The following MAP2K6 variants were observed in gnomAD, a reference collection of about 807,000 sequenced individuals.
MAP2K6 encodes the protein dual specificity mitogen-activated protein kinase kinase 6.
MAP2K6 carries 16 observed loss-of-function variants against 53.7 expected under a neutral mutation model. The ratio of observed to expected loss-of-function variants is 0.30; its 90% CI spans 0.20 to 0.45. The LOEUF (loss-of-function observed/expected upper bound fraction) is 0.45, where lower values mean the gene tolerates loss of function less well. MAP2K6 is among the 20% of genes least tolerant of loss of function. The probability of loss-of-function intolerance (pLI) is 1.00; values close to 1 mark genes in which losing one functional copy is unlikely to be tolerated. For missense variants in MAP2K6, 204 were observed against 411.9 expected (o/e 0.50, Z 4.37); for synonymous variants, 132 against 143.1 (o/e 0.92, Z 0.55).
At chr17:69,452,196 G>A (rs1428161874) in intron 1 of MAP2K6, among the ~76,000 whole-genome samples, 1 of 151,316 alleles carries the variant, frequency 6.6e-6, no homozygotes, top group Non-Finnish European at 1.5e-5. Flanking sequence ...TAGGGGGAGG[G>A]TGTTACTGGC....
At chr17:69,464,539 G>A (rs951587611) in intron 1 of MAP2K6, among the ~76,000 whole-genome samples, 5 of 151,864 alleles carry the variant, frequency 3.3e-5, no homozygotes, top group African/African-American at 1.2e-4. Context: ...GCGCCGCCAC[G>A]CCTGGCTAAT....
chr17:69,427,898 A>G (rs1237132870), intron 1 of MAP2K6, among the ~76,000 whole-genome samples: 1 of 152,166 alleles, frequency 6.6e-6, no homozygotes, highest in Non-Finnish European at 1.5e-5. Context: ...AAATTTTGAT[A>G]TATTCAGTCT....
intron 9 of MAP2K6, among the ~76,000 whole-genome samples, chr17:69,526,127 T>C (rs141732095): frequency 6.6e-6 from 1 of 152,268 alleles, no homozygotes; most frequent in East Asian, 1.9e-4. Context: ...GATCTGTCAT[T>C]TGGTTCTAGG....
At chr17:69,419,946 C>T (rs1906025478) in intron 1 of MAP2K6, among the ~76,000 whole-genome samples, 1 of 151,376 alleles carries the variant, frequency 6.6e-6, no homozygotes, top group Non-Finnish European at 1.5e-5. Context: ...ATTTGGGGAT[C>T]AAATTATTTT....
Position 69,518,183 on chromosome 17 carries a change from C to G in MAP2K6, c.246+570C>G, listed in dbSNP as rs140586515. ...CCGGCCTGGACAACAGAGTGAGACTCCATCTCAAATAATATTAATAATAAT... is the reference window on the plus strand; with the variant it reads ...CCGGCCTGGACAACAGAGTGAGACTGCATCTCAAATAATATTAATAATAAT... On this transcript the variant is annotated intron_variant, in intron 4 of 11. Transcript: ENST00000590474. Among the ~76,000 whole-genome samples, 63 of 148,158 alleles carry G rather than the reference C, an allele frequency of 4.3e-4. 1 individual carries two copies. In the East Asian group the frequency reaches 0.012, roughly 29 times the overall value.
At chr17:69,486,376 A>G (rs1598284996) in intron 1 of MAP2K6, among the ~76,000 whole-genome samples, 1 of 152,190 alleles carries the variant, frequency 6.6e-6, no homozygotes, top group Non-Finnish European at 1.5e-5. Context: ...GCCCTGAGAG[A>G]GTCATCAAGA....
intron 1 of MAP2K6, among the ~76,000 whole-genome samples, chr17:69,487,026 T>G (rs370631802): frequency 6.6e-6 from 1 of 152,230 alleles, no homozygotes; most frequent in Non-Finnish European, 1.5e-5. Flanking sequence ...TGGATAGACC[T>G]GGGTCGTGTC....
chr17:69,544,566 A>T lies in MAP2K6; in HGVS notation c.*2813A>T, dbSNP rs559108627. On this transcript the variant is annotated 3_prime_UTR_variant, in exon 12 of 12. Transcript: ENST00000590474. ...CTGAATATCAGCCCTGTCTACACCT[A>T]TCAATGTATTACAAAATCAGTATAG... is the stretch of plus-strand genomic sequence containing the variant. 2.0e-5 allele frequency: 3 copies of T among 152,224 alleles called. No individual in the cohort carries two copies. Among genetic ancestry groups the T allele is most frequent in the African/African-American group, 7.2e-5 (3 of 41,458 alleles). 9.4% of individuals were successfully genotyped at this position (152,224 alleles called of 1,614,324 possible).
At position 69,551,564 on chromosome 17, in the gene MAP2K6, G is replaced by A. The variant is rs1051051801; in HGVS notation, c.*9811G>A. ...ATGTGCCAAAAATTTACATTGGGCA[G>A]CAGTTTATAGTGTTCTTGGCCAATC... On this transcript the variant is annotated 3_prime_UTR_variant, in exon 12 of 12. Coordinates refer to ENST00000590474, the MANE Select transcript of MAP2K6 (RefSeq NM_002758.4). 6.6e-6 allele frequency: 1 copy of A among 152,210 alleles called. No homozygotes were observed. The highest frequency in any genetic ancestry group is 2.4e-5 in the African/African-American group (1 of 41,440). 9.4% of individuals were successfully genotyped at this position (152,210 alleles called of 1,614,324 possible).
chr17:69,485,475 T>TA (rs1408473356), intron 1 of MAP2K6: 1 of 983,354 alleles, frequency 1.0e-6, no homozygotes, highest in Non-Finnish European at 1.2e-6. Flanking sequence ...TATACACTGT[T>TA]AGAGTACTGG....
intron 1 of MAP2K6, among the ~76,000 whole-genome samples, chr17:69,464,402 T>TGTCCAGGCTGGAGTTCGA (rs1307454435): frequency 2.0e-5 from 3 of 152,120 alleles, no homozygotes; most frequent in Non-Finnish European, 4.4e-5. Flanking sequence ...CTTGCTCTTT[T>TGTCCAGGCTGGAGTTCGA]GTCCAGGCTG....
At chr17:69,516,790 G>C in intron 2 of MAP2K6, 65 bp from the exon 3 acceptor site, 1 of 1,211,010 alleles carries the variant, frequency 8.3e-7, no homozygotes, top group South Asian at 1.3e-5. Context: ...AGTGGTGTGT[G>C]ATTTGGGAAG....
intron 8 of MAP2K6, among the ~76,000 whole-genome samples, chr17:69,524,094 A>G (rs1211751310): frequency 1.3e-5 from 2 of 152,000 alleles, no homozygotes; most frequent in African/African-American, 2.4e-5. Flanking sequence ...TCATGATTCA[A>G]TCACCCCCCA....
At chr17:69,495,860 T>TA (rs1406846333) in intron 1 of MAP2K6, among the ~76,000 whole-genome samples, 3 of 152,184 alleles carry the variant, frequency 2.0e-5, no homozygotes, top group Non-Finnish European at 2.9e-5. Flanking sequence ...TTAACACCCT[T>TA]ATGACTACAT....
rs372051315 is a variant in MAP2K6 at position 69,519,545 on chromosome 17, G to A, written c.366+113G>A. 15 of 1,302,682 alleles carry A rather than the reference G, an allele frequency of 1.2e-5. No homozygotes were observed. The East Asian group carries it at 3.5e-4, about 31-fold the overall frequency. 80.7% of individuals were successfully genotyped at this position (1,302,682 alleles called of 1,614,324 possible). On this transcript the variant is annotated intron_variant, in intron 5 of 11. Transcript: ENST00000590474. ...AGCTCTTTCTTGTTTGACACATCTTGTATACGGGGGTTTACGTGTGTGCAA... is the reference window on the plus strand; with the variant it reads ...AGCTCTTTCTTGTTTGACACATCTTATATACGGGGGTTTACGTGTGTGCAA...
chr17:69,541,839 C>A lies in MAP2K6; in HGVS notation c.*86C>A. 1 of 990,120 alleles carries A rather than the reference C, an allele frequency of 1.0e-6. No homozygotes were observed. Among genetic ancestry groups the A allele is most frequent in the Non-Finnish European group, 1.5e-6 (1 of 645,436 alleles). 61.3% of individuals were successfully genotyped at this position (990,120 alleles called of 1,614,324 possible). A position where few individuals can be genotyped will look rare whatever the true frequency, so the allele number is the denominator to read the frequency against. On this transcript the variant is annotated 3_prime_UTR_variant, in exon 12 of 12. Coordinates refer to ENST00000590474, the MANE Select transcript of MAP2K6 (RefSeq NM_002758.4). Reference sequence around the variant, plus strand: ...GTTCACTACAGCATCAATAGAAAGTCATCTTTGAGATAATTTAACCCTGCC... The same window carrying A: ...GTTCACTACAGCATCAATAGAAAGTAATCTTTGAGATAATTTAACCCTGCC...
intron 11 of MAP2K6, among the ~76,000 whole-genome samples, chr17:69,541,257 C>T (rs1911613117): frequency 6.6e-6 from 1 of 151,508 alleles, no homozygotes; most frequent in Admixed American, 6.6e-5. Context: ...AGCGAGACTC[C>T]ATCTCAAAAA....
At chr17:69,473,526 A>T (rs1908047016) in intron 1 of MAP2K6, among the ~76,000 whole-genome samples, 1 of 152,010 alleles carries the variant, frequency 6.6e-6, no homozygotes, top group Non-Finnish European at 1.5e-5. Context: ...ACCTTTCTTT[A>T]TTTTCTAAAT....
Position 69,415,019 on chromosome 17 carries a change from T to C in MAP2K6, c.16+19T>C, listed in dbSNP as rs756739107. 1.2e-5 allele frequency: 18 copies of C among 1,541,660 alleles called. No homozygotes were observed. The highest frequency in any genetic ancestry group is 1.6e-5 in the Non-Finnish European group (18 of 1,114,566). On this transcript the variant is annotated intron_variant, in intron 1 of 11. Transcript: ENST00000590474. ...TCGAAAGGTAAGAGGCTGTTTGCAT[T>C]AGTTGCAAAAATGCAAAGGGTTGTG...
Sources: gnomAD v4.1 joint callset for allele counts (sites outside exome capture counted in the v4.1 genomes callset) on GRCh38, gnomAD v4.1.1 for gene constraint, MANE v1.5 for transcripts, NCBI Gene and HGNC (gene_info 2026-07-23, HGNC 2026-07-21) for gene names.